XXYLT1: variants seen among roughly 807,000 people sequenced by gnomAD.
XXYLT1 encodes the protein UDP-xylose:alpha-xyloside alpha-1,3-xylosyltransferase.
XXYLT1 carries 20 observed loss-of-function variants against 28.9 expected under a neutral mutation model. The observed-to-expected ratio is 0.69, with a 90% CI of 0.49 to 1.00. The LOEUF (loss-of-function observed/expected upper bound fraction) is 1.00. XXYLT1 is among the 50% of genes least tolerant of loss of function. The probability of loss-of-function intolerance (pLI) is 0.00; values close to 1 mark genes in which losing one functional copy is unlikely to be tolerated. For synonymous variants in XXYLT1, 257 were observed against 253.8 expected (o/e 1.01, Z -0.12); for missense variants, 542 against 560.1 (o/e 0.97, Z 0.33).
At chr3:195,167,170 T>G (rs1310890299) in intron 2 of XXYLT1, among the ~76,000 whole-genome samples, 2 of 152,268 alleles carry the variant, frequency 1.3e-5, no homozygotes, top group Admixed American at 1.3e-4. Context: ...GTCAAGCTAC[T>G]ATTTTTCTCT....
At chr3:195,092,991 C>T (rs1383072549) in intron 3 of XXYLT1, among the ~76,000 whole-genome samples, 1 of 104,646 alleles carries the variant, frequency 9.6e-6, no homozygotes, top group Non-Finnish European at 1.8e-5. Context: ...TACCATCTCA[C>T]ACCAGTTAGA....
intron 3 of XXYLT1, among the ~76,000 whole-genome samples, chr3:195,072,064 C>T (rs1056230688): frequency 6.6e-6 from 1 of 152,168 alleles, no homozygotes; most frequent in Non-Finnish European, 1.5e-5. Flanking sequence ...GGGGGTGTGG[C>T]CCGTGCAGTC....
chr3:195,200,927 G>C (rs1323000858), intron 2 of XXYLT1, among the ~76,000 whole-genome samples: 1 of 152,054 alleles, frequency 6.6e-6, no homozygotes, highest in Admixed American at 6.6e-5. Context: ...AAGAAAATCA[G>C]GTTCTCAACT....
At chr3:195,175,720 C>T (rs751399989) in intron 2 of XXYLT1, 77 of 1,535,966 alleles carry the variant, frequency 5.0e-5, no homozygotes, top group Middle Eastern at 1.7e-4. Context: ...CTGTGTGCAA[C>T]TCTGGACTGT....
intron 3 of XXYLT1, among the ~76,000 whole-genome samples, chr3:195,081,114 C>T (rs765771414): frequency 9.9e-5 from 15 of 152,174 alleles, no homozygotes; most frequent in Non-Finnish European, 1.9e-4. Flanking sequence ...GTGGGCAGCC[C>T]TTCTCAGATG....
At chr3:195,112,496 G>GCACACACC (rs1469332378) in intron 3 of XXYLT1, among the ~76,000 whole-genome samples, 86 of 75,626 alleles carry the variant, frequency 1.1e-3, no homozygotes, top group African/African-American at 3.8e-3. Flanking sequence ...ATGGACACAT[G>GCACACACC]CACACACCCA....
rs753336490 is a variant in XXYLT1, at chr3:195,133,740, GC to G, written c.785+22708del. 6.6e-6 allele frequency among the ~76,000 whole-genome samples: 1 copy of G among 152,184 alleles called. No homozygotes were observed. The highest frequency in any genetic ancestry group is 1.5e-5 in the Non-Finnish European group (1 of 68,040). On this transcript the variant is annotated intron_variant, in intron 3 of 3. Transcript: ENST00000310380. The surrounding 1 kb of genome is among the most constrained non-coding windows in gnomAD (Gnocchi z 4.4). ...ACAGAACACACGAACAGAGGATGGT[GC>G]CAGAAGATCATGATGGAGCTGAAAA... is the stretch of plus-strand genomic sequence containing the variant.
intron 2 of XXYLT1, among the ~76,000 whole-genome samples, chr3:195,202,419 A>G (rs1367614707): frequency 6.6e-6 from 1 of 152,076 alleles, no homozygotes; most frequent in South Asian, 2.1e-4. Flanking sequence ...AAAAAAAAAA[A>G]AAAACTGACA....
chr3:195,153,330 C>A (rs1396037619), intron 3 of XXYLT1, among the ~76,000 whole-genome samples: 6 of 152,212 alleles, frequency 3.9e-5, no homozygotes, highest in Admixed American at 3.3e-4. Context: ...CCAGCCCCAG[C>A]ATGAGACTGC....
At chr3:195,203,102 C>A (rs1417294426) in intron 2 of XXYLT1, among the ~76,000 whole-genome samples, 1 of 152,052 alleles carries the variant, frequency 6.6e-6, no homozygotes, top group Non-Finnish European at 1.5e-5. Context: ...AGCCACCACA[C>A]CTGCCCACAA....
At chr3:195,134,864 TGTGTGCGTGTGC>T (rs1161896415) in intron 3 of XXYLT1, among the ~76,000 whole-genome samples, 287 of 93,160 alleles carry the variant, frequency 3.1e-3, no homozygotes, top group East Asian at 0.024. Flanking sequence ...TGTGTGTGTG[TGTGTGCGTGTGC>T]GCGCGTGCGC....
In XXYLT1 at chr3:195,124,440, C is replaced by T. The variant is rs1718513191; in HGVS notation, c.785+32009G>A. Among the ~76,000 whole-genome samples the T allele has an allele frequency of 2.0e-5, 3 of 152,184 alleles. No individual in the cohort carries two copies. In the South Asian group the frequency reaches 6.2e-4, roughly 32 times the overall value. On this transcript the variant is annotated intron_variant, in intron 3 of 3. Transcript: ENST00000310380. This position sits in a 1 kb window ranked among gnomAD's most constrained non-coding sequence, Gnocchi z 4.1. ...GGTTTGCGATGGCAGCATGAGAGAG[C>T]TCTGGGGCTTTGGGCCTGGCACAGA... is the stretch of plus-strand genomic sequence containing the variant.
At chr3:195,187,800 A>G (rs1190105138) in intron 2 of XXYLT1, among the ~76,000 whole-genome samples, 1 of 152,268 alleles carries the variant, frequency 6.6e-6, no homozygotes, top group Non-Finnish European at 1.5e-5. Flanking sequence ...ATGCCTGGAC[A>G]TGATTAACAA....
At chr3:195,215,232 G>C (rs1288339938) in intron 2 of XXYLT1, among the ~76,000 whole-genome samples, 8 of 149,148 alleles carry the variant, frequency 5.4e-5, no homozygotes, top group African/African-American at 1.7e-4. Flanking sequence ...AAAATGTAAA[G>C]ACCATCGAGA....
At chr3:195,235,474 T>C (rs1724495283) in intron 1 of XXYLT1, among the ~76,000 whole-genome samples, 1 of 152,222 alleles carries the variant, frequency 6.6e-6, no homozygotes, top group South Asian at 2.1e-4. Context: ...CAATTCTCTG[T>C]TTGAAAGATC....
intron 1 of XXYLT1, among the ~76,000 whole-genome samples, chr3:195,238,769 C>T (rs1428756269): frequency 6.6e-6 from 1 of 152,196 alleles, no homozygotes; most frequent in African/African-American, 2.4e-5. Flanking sequence ...GTTTTCACTC[C>T]TAAGCCAGCT....
At chr3:195,246,133 TG>T (rs1577193166) in intron 1 of XXYLT1, among the ~76,000 whole-genome samples, 1 of 152,230 alleles carries the variant, frequency 6.6e-6, no homozygotes, top group Non-Finnish European at 1.5e-5. Flanking sequence ...TTTTCTTGCC[TG>T]TAATGAAGGG....
At chr3:195,263,919 G>A (rs1237401569) in intron 1 of XXYLT1, among the ~76,000 whole-genome samples, 4 of 152,140 alleles carry the variant, frequency 2.6e-5, no homozygotes, top group Non-Finnish European at 5.9e-5. Flanking sequence ...CTATAGTGTC[G>A]ACGGGAAAAA....
At chr3:195,231,977 C>A (rs999612445) in intron 1 of XXYLT1, among the ~76,000 whole-genome samples, 1 of 152,062 alleles carries the variant, frequency 6.6e-6, no homozygotes, top group African/African-American at 2.4e-5. Flanking sequence ...ATTACTTCTT[C>A]TTTAAATGGT....
Sources: allele counts gnomAD v4.1 joint callset (sites outside exome capture counted in the v4.1 genomes callset), GRCh38; gene constraint gnomAD v4.1.1; non-coding constraint Gnocchi (gnomAD v3.1); transcripts MANE v1.5; gene names NCBI Gene and HGNC (gene_info 2026-07-23, HGNC 2026-07-21).